The following PRKG1 variants were observed in gnomAD, a reference collection of about 807,000 sequenced individuals.
PRKG1 encodes cGMP-dependent protein kinase 1.
Under a neutral mutation model 88.1 loss-of-function variants are expected in PRKG1, and 35 were observed. The observed-to-expected ratio is 0.40, with a 90% CI of 0.30 to 0.53. The LOEUF (loss-of-function observed/expected upper bound fraction) is 0.53, where lower values mean the gene tolerates loss of function less well. PRKG1 is among the 20% of genes least tolerant of loss of function. The pLI is 0.59. For missense variants in PRKG1, 540 were observed against 839.8 expected, an observed-to-expected ratio of 0.64 and a Z score of 4.41; for synonymous variants, 303 against 292.5, an observed-to-expected ratio of 1.04 and a Z score of -0.37.
intron 5 of PRKG1, among the ~76,000 whole-genome samples, chr10:51,982,976 A>G (rs1181520287): frequency 6.6e-6 from 1 of 152,020 alleles, no homozygotes; most frequent in Non-Finnish European, 1.5e-5. Flanking sequence ...TGTGCTGGTG[A>G]CGGTGTTAAT....
intron 2 of PRKG1, among the ~76,000 whole-genome samples, chr10:51,218,523 AT>A (rs1838433345): frequency 8.1e-6 from 1 of 122,922 alleles, no homozygotes; most frequent in African/African-American, 3.3e-5. Flanking sequence ...ATATATATAT[AT>A]ATATATAAAA....
chr10:52,106,705 AAATAATAATAAT>A (rs57109678), intron 7 of PRKG1, among the ~76,000 whole-genome samples: 1,774 of 140,020 alleles, frequency 0.013, 34 homozygotes, highest in African/African-American at 0.04. Context: ...CTCTGTCCCA[AAATAATAATAAT>A]AATAATAATA....
intron 3 of PRKG1, among the ~76,000 whole-genome samples, chr10:51,507,739 T>C (rs1336387195): frequency 6.6e-6 from 1 of 152,104 alleles, no homozygotes; most frequent in Non-Finnish European, 1.5e-5. Context: ...ATGACTGGAA[T>C]AGCCAAACTG....
At chr10:51,688,461 C>T (rs1449386730) in intron 3 of PRKG1, among the ~76,000 whole-genome samples, 1 of 151,942 alleles carries the variant, frequency 6.6e-6, no homozygotes, top group Non-Finnish European at 1.5e-5. Context: ...CAGCACCAAA[C>T]CTCAGATAAC....
intron 1 of PRKG1, among the ~76,000 whole-genome samples, chr10:51,106,904 A>G (rs1047631206): frequency 3.3e-5 from 5 of 152,196 alleles, no homozygotes; most frequent in African/African-American, 1.2e-4. Flanking sequence ...AACAGACAAA[A>G]GTGTTAGTTT....
At chr10:51,487,076 T>A (rs2339756) in intron 3 of PRKG1, among the ~76,000 whole-genome samples, 10,602 of 151,506 alleles carry the variant, frequency 0.07, 522 homozygotes, top group South Asian at 0.13. Context: ...ACTTAGTAGG[T>A]TGAAAGGGGA....
chr10:51,942,982 C>T (rs1842943648), intron 5 of PRKG1, among the ~76,000 whole-genome samples: 1 of 151,874 alleles, frequency 6.6e-6, no homozygotes, highest in South Asian at 2.1e-4. Context: ...TTTTCCAATT[C>T]TGTGAAGCAA....
At chr10:52,184,922 T>C (rs901752268) in intron 9 of PRKG1, 2 of 152,240 alleles carry the variant, frequency 1.3e-5, no homozygotes, top group African/African-American at 4.8e-5. Flanking sequence ...TCCACCCCCA[T>C]GATCCAGTCA....
At chr10:51,865,888 A>G (rs1363530137) in intron 4 of PRKG1, among the ~76,000 whole-genome samples, 1 of 152,036 alleles carries the variant, frequency 6.6e-6, no homozygotes, top group East Asian at 1.9e-4. Context: ...AAATAAAGGC[A>G]TTTTTATAAG....
chr10:51,304,788 C>A (rs1457010933), intron 2 of PRKG1, among the ~76,000 whole-genome samples: 2 of 151,860 alleles, frequency 1.3e-5, no homozygotes, highest in Non-Finnish European at 2.9e-5. Flanking sequence ...CCAATTTCAT[C>A]CATGTCCCTA....
At chr10:51,442,746 A>C (rs1254278031) in intron 2 of PRKG1, among the ~76,000 whole-genome samples, 1 of 152,068 alleles carries the variant, frequency 6.6e-6, no homozygotes, top group Non-Finnish European at 1.5e-5. Context: ...AACTAAAAGC[A>C]TTTACTTTAA....
intron 4 of PRKG1, among the ~76,000 whole-genome samples, chr10:51,888,100 T>G (rs1841618870): frequency 6.6e-6 from 1 of 152,198 alleles, no homozygotes; most frequent in African/African-American, 2.4e-5. Flanking sequence ...GACTATATAC[T>G]TAGTACCTTG....
intron 5 of PRKG1, among the ~76,000 whole-genome samples, chr10:51,999,728 T>G (rs1844545138): frequency 6.6e-6 from 1 of 152,146 alleles, no homozygotes; most frequent in Non-Finnish European, 1.5e-5. Context: ...GGATCTTTGA[T>G]AATTTAAAGA....
chr10:51,713,719 A>G lies in PRKG1; in HGVS notation c.593-90866A>G, dbSNP rs1374155741. 2.0e-5 allele frequency among the ~76,000 whole-genome samples: 3 copies of G among 152,224 alleles called. No homozygotes were observed. The East Asian group carries it at 5.8e-4, about 29-fold the overall frequency. On this transcript the variant is annotated intron_variant, in intron 3 of 17. Transcript: ENST00000373980. Reference sequence around the variant, plus strand: ...GGATTGAACATTTCCTAGCTTTAGAACTATGGAAGTCTTTTGCAGACTCTA... The same window carrying G: ...GGATTGAACATTTCCTAGCTTTAGAGCTATGGAAGTCTTTTGCAGACTCTA...
At chr10:51,226,943 T>C (rs1360639803) in intron 2 of PRKG1, among the ~76,000 whole-genome samples, 3 of 152,074 alleles carry the variant, frequency 2.0e-5, no homozygotes, top group Non-Finnish European at 4.4e-5. Context: ...CCAGCAACAA[T>C]TGGACAAGCC....
intron 17 of PRKG1, among the ~76,000 whole-genome samples, chr10:52,291,207 C>A (rs1021757617): frequency 7.2e-5 from 11 of 151,734 alleles, no homozygotes; most frequent in African/African-American, 2.7e-4. Context: ...CAGACGTGAG[C>A]ACCGCGCTGG....
intron 2 of PRKG1, among the ~76,000 whole-genome samples, chr10:51,331,659 G>A (rs1841745424): frequency 6.6e-6 from 1 of 152,046 alleles, no homozygotes; most frequent in Non-Finnish European, 1.5e-5. Context: ...ACTACATACC[G>A]TGACCTCTTA....
chr10:51,434,329 C>T (rs532923886), intron 2 of PRKG1, among the ~76,000 whole-genome samples: 1 of 151,984 alleles, frequency 6.6e-6, no homozygotes, highest in Non-Finnish European at 1.5e-5. Context: ...AGCCAAAAGA[C>T]GAAGTAGCGA....
At chr10:51,832,413 A>G (rs1453193674) in intron 4 of PRKG1, among the ~76,000 whole-genome samples, 1 of 152,222 alleles carries the variant, frequency 6.6e-6, no homozygotes, top group Non-Finnish European at 1.5e-5. Flanking sequence ...TGTAAAAAGT[A>G]AGACAGCAAA....
Sources: gnomAD v4.1 joint callset for allele counts (sites outside exome capture counted in the v4.1 genomes callset) on GRCh38, gnomAD v4.1.1 for gene constraint, MANE v1.5 for transcripts, NCBI Gene and HGNC (gene_info 2026-07-23, HGNC 2026-07-21) for gene names.